HDAC5: variants seen among roughly 807,000 people sequenced by gnomAD.
HDAC5 encodes the protein antigen NY-CO-9.
A neutral mutation model predicts 133.3 loss-of-function variants in HDAC5; 25 were observed. The ratio of observed to expected loss-of-function variants is 0.19; its 90% CI spans 0.14 to 0.26. HDAC5 has a LOEUF of 0.26. HDAC5 is among the 10% of genes least tolerant of loss of function. HDAC5 has a pLI of 1.00. For missense variants in HDAC5, 1,041 were observed against 1,460.5 expected (o/e 0.71, Z 4.68); for synonymous variants, 589 against 610.8 (o/e 0.96, Z 0.53).
At chr17:44,119,038 G>GACC (rs1255791698) in intron 1 of HDAC5, among the ~76,000 whole-genome samples, 2 of 152,242 alleles carry the variant, frequency 1.3e-5, no homozygotes, top group Non-Finnish European at 2.9e-5. Context: ...TTGCTGCTGG[G>GACC]ACCACAGGGC....
chr17:44,123,238 C>T (rs914319168), intron 1 of HDAC5: 3 of 285,584 alleles, frequency 1.1e-5, no homozygotes, highest in African/African-American at 2.2e-5. Context: ...CGCGAGAAGG[C>T]GGGCCCCTCC....
In HDAC5 at chr17:44,076,799, C is replaced by T. The variant is rs75348970; in HGVS notation, c.*1577G>A. ...ATTTACACAAGGACACACAGTGTAA[C>T]GGGTTACAAAATACTTAACTGAAAT... On this transcript the variant is annotated 3_prime_UTR_variant, in exon 27 of 27. Transcript: ENST00000682912. The T allele has an allele frequency of 1.3e-4, 22 of 165,706 alleles. No individual in the cohort carries two copies. In the East Asian group the frequency reaches 3.0e-3, roughly 23 times the overall value. 10.3% of individuals were successfully genotyped at this position (165,706 alleles called of 1,614,324 possible).
chr17:44,101,852 G>A (rs1270931307), intron 3 of HDAC5, among the ~76,000 whole-genome samples: 2 of 151,968 alleles, frequency 1.3e-5, no homozygotes, highest in Non-Finnish European at 2.9e-5. Flanking sequence ...GGACAGGTGA[G>A]GGTCTCAAAA....
intron 1 of HDAC5, among the ~76,000 whole-genome samples, chr17:44,122,373 C>T (rs1200185762): frequency 6.6e-6 from 1 of 152,088 alleles, no homozygotes; most frequent in African/African-American, 2.4e-5. Context: ...CCCCCACCTC[C>T]TTTTGTTCCC....
intron 3 of HDAC5, among the ~76,000 whole-genome samples, chr17:44,106,463 G>A (rs944143366): frequency 6.6e-6 from 1 of 151,768 alleles, no homozygotes; most frequent in African/African-American, 2.4e-5. Flanking sequence ...TATTGCACAT[G>A]GGCTCTCGTC....
intron 2 of HDAC5, among the ~76,000 whole-genome samples, chr17:44,112,886 T>A (rs544447453): frequency 1.3e-5 from 2 of 152,276 alleles, no homozygotes; most frequent in South Asian, 4.1e-4. Context: ...GGAACAGTAC[T>A]CCCTCAGAGG....
chr17:44,080,065 C>G, intron 23 of HDAC5, 42 bp downstream of exon 23: 1 of 1,387,914 alleles, frequency 7.2e-7, no homozygotes, highest in Non-Finnish European at 1.0e-6. Flanking sequence ...ACTCGATATC[C>G]TCACTGTTTC....
At chr17:44,082,868 C>T in intron 18 of HDAC5, 48 bp from the exon 19 acceptor site, 3 of 1,509,816 alleles carry the variant, frequency 2.0e-6, no homozygotes, top group Non-Finnish European at 2.7e-6. Context: ...GGCAGGAAGG[C>T]CGTGGAGGGG....
rs2051335425 is a variant in HDAC5, at chr17:44,097,352, TGAC to T, written c.95-3521_95-3519del. Among the ~76,000 whole-genome samples the T allele has an allele frequency of 2.6e-5, 4 of 152,282 alleles. No homozygotes were observed. In the South Asian group the frequency reaches 6.2e-4, roughly 24 times the overall value. On this transcript the variant is annotated intron_variant, in intron 3 of 26. Coordinates refer to ENST00000682912, the MANE Select transcript of HDAC5 (RefSeq NM_005474.5). ...TCTGTGGTTTTCCCGCCAGCCATAC[TGAC>T]GACTCTGTGGCCACAAGGCCAGAGC...
chr17:44,078,954 A>G (rs1311203221), intron 24 of HDAC5, 75 bp from the exon 25 acceptor site: 3 of 1,537,200 alleles, frequency 2.0e-6, no homozygotes, highest in South Asian at 1.1e-5. Flanking sequence ...TGCCCCACTC[A>G]GCCCCAGATA....
Position 44,087,402 on chromosome 17 carries a change from C to A in HDAC5, c.1884+10G>T, listed in dbSNP as rs750479604. 4.6e-6 allele frequency: 4 copies of A among 860,606 alleles called. No homozygotes were observed. The highest frequency in any genetic ancestry group is 1.6e-5 in the African/African-American group (1 of 60,676). The allele number at this position is 860,606 out of a possible 1,614,324, so 53.3% of individuals were successfully genotyped here. A position where few individuals can be genotyped will look rare whatever the true frequency, so the allele number is the denominator to read the frequency against. On this transcript the variant is annotated intron_variant, in intron 13 of 26. Coordinates refer to ENST00000682912, the MANE Select transcript of HDAC5 (RefSeq NM_005474.5). ...GGTGACCAAGGACTGGGACCAGGGA[C>A]GGGGCTCACTTTTTTGTATCCAGCA...
intron 1 of HDAC5, among the ~76,000 whole-genome samples, chr17:44,118,161 G>T (rs1167758402): frequency 1.3e-5 from 2 of 152,156 alleles, no homozygotes; most frequent in Non-Finnish European, 2.9e-5. Flanking sequence ...GACTTCTAGG[G>T]GTCTTCTCCC....
chr17:44,078,454 C>T, intron 26 of HDAC5, 39 bp from the exon 27 acceptor site: 2 of 1,571,910 alleles, frequency 1.3e-6, no homozygotes, highest in Non-Finnish European at 1.7e-6. Flanking sequence ...GAGTGGGGCG[C>T]ACCAGCAGGG....
chr17:44,095,030 A>G (rs1454542311), intron 3 of HDAC5, among the ~76,000 whole-genome samples: 2 of 152,152 alleles, frequency 1.3e-5, no homozygotes, highest in African/African-American at 4.8e-5. Flanking sequence ...CCTAGGCTCA[A>G]GCGATCCTCC....
rs747690056 is a variant in HDAC5 at position 44,093,288 on chromosome 17, C to T, written c.526+26G>A. On this transcript the variant is annotated intron_variant, in intron 5 of 26. Transcript: ENST00000682912. ...GGCAGGCATCACGGGCGGGGCCCTA[C>T]GAGGTCCCAGGAGGCCCTGCCTTAC... is the stretch of plus-strand genomic sequence containing the variant. 1.7e-5 allele frequency: 27 copies of T among 1,580,410 alleles called. No individual in the cohort carries two copies. The East Asian group carries it at 3.2e-4, about 18-fold the overall frequency.
intron 11 of HDAC5, among the ~76,000 whole-genome samples, chr17:44,089,498 A>G (rs1357899009): frequency 2.0e-5 from 3 of 151,752 alleles, no homozygotes; most frequent in African/African-American, 7.3e-5. Context: ...TAATTCCAAC[A>G]CTTTGGGAGG....
In HDAC5 at chr17:44,117,811, A is replaced by C; in HGVS notation, c.-189-107T>G. Reference sequence around the variant, plus strand: ...TACCTGGGGATGAGGGATGAGAGGGAGGGATACCTGCCCACAGCCACAGGA... The same window carrying C: ...TACCTGGGGATGAGGGATGAGAGGGCGGGATACCTGCCCACAGCCACAGGA... On this transcript the variant is annotated intron_variant, in intron 1 of 26. Coordinates refer to ENST00000682912, the MANE Select transcript of HDAC5 (RefSeq NM_005474.5). This position sits in a 1 kb window ranked among gnomAD's most constrained non-coding sequence, Gnocchi z 4.2. The C allele has an allele frequency of 1.8e-6, 1 of 567,394 alleles. No individual in the cohort carries two copies. The highest frequency in any genetic ancestry group is 2.3e-5 in the South Asian group (1 of 44,004). 35.1% of individuals were successfully genotyped at this position (567,394 alleles called of 1,614,324 possible). A position where few individuals can be genotyped will look rare whatever the true frequency, so the allele number is the denominator to read the frequency against.
chr17:44,095,627 CTCCTT>C (rs902409458), intron 3 of HDAC5, among the ~76,000 whole-genome samples: 9 of 151,982 alleles, frequency 5.9e-5, no homozygotes, highest in East Asian at 1.9e-4. Flanking sequence ...GCTGGATTAT[CTCCTT>C]TCAACAGTTT....
Position 44,117,551 on chromosome 17 carries a change from G to A in HDAC5, c.-36C>T. The A allele has an allele frequency of 1.9e-6, 3 of 1,612,068 alleles. No homozygotes were observed. In the South Asian group the frequency reaches 3.3e-5, roughly 18 times the overall value. On this transcript the variant is annotated 5_prime_UTR_variant, in exon 2 of 27. Coordinates refer to ENST00000682912, the MANE Select transcript of HDAC5 (RefSeq NM_005474.5). The surrounding 1 kb of genome is among the most constrained non-coding windows in gnomAD (Gnocchi z 4.2). Reference sequence around the variant, plus strand: ...GGCCTGCAGGAAGCTGGCGTTGGGGGCTGGGACGGGAGGGGGTGGAGCTGC... The same window carrying A: ...GGCCTGCAGGAAGCTGGCGTTGGGGACTGGGACGGGAGGGGGTGGAGCTGC...
Sources: allele counts gnomAD v4.1 joint callset (sites outside exome capture counted in the v4.1 genomes callset), GRCh38; gene constraint gnomAD v4.1.1; non-coding constraint Gnocchi (gnomAD v3.1); transcripts MANE v1.5; gene names NCBI Gene and HGNC (gene_info 2026-07-23, HGNC 2026-07-21).